Variants in CDK6 observed in about 807,000 individuals in gnomAD.
The protein encoded by CDK6 is cyclin dependent kinase 6.
In CDK6, 6 loss-of-function variants were observed where a neutral mutation model predicts 37.1. That is an observed-to-expected ratio of 0.16 (90% CI 0.09 to 0.32). CDK6 has a LOEUF of 0.32. Among genes scored for constraint, CDK6 ranks in the 10% least tolerant of loss-of-function variants. The pLI is 1.00. For synonymous variants in CDK6, 160 were observed against 161.3 expected, an observed-to-expected ratio of 0.99 and a Z score of 0.06; for missense variants, 224 against 418.9, an observed-to-expected ratio of 0.53 and a Z score of 4.06.
At chr7:92,775,711 C>G (rs1282488873) in intron 2 of CDK6, among the ~76,000 whole-genome samples, 3 of 152,022 alleles carry the variant, frequency 2.0e-5, no homozygotes, top group Non-Finnish European at 4.4e-5. Context: ...TTAAACTACC[C>G]ATAAACAAGC....
At chr7:92,694,845 C>CA (rs1332340914) in intron 4 of CDK6, among the ~76,000 whole-genome samples, 8 of 152,146 alleles carry the variant, frequency 5.3e-5, no homozygotes, top group Admixed American at 1.3e-4. Context: ...AAAAAGACCA[C>CA]AGCAAAAAGG....
chr7:92,609,788 T>C lies in CDK6; in HGVS notation c.*5352A>G. 4.3e-6 allele frequency: 1 copy of C among 230,250 alleles called. No homozygotes were observed. The highest frequency in any genetic ancestry group is 6.2e-5 in the East Asian group (1 of 16,050). 14.3% of individuals were successfully genotyped at this position (230,250 alleles called of 1,614,324 possible). ...CTAAGCCTGTTTTAATCTAGAAAAG[T>C]AAGGTAACTGGGTACTTCAAAAATT... On this transcript the variant is annotated 3_prime_UTR_variant, in exon 8 of 8. Coordinates refer to ENST00000424848, the MANE Select transcript of CDK6 (RefSeq NM_001145306.2).
chr7:92,758,238 C>T (rs1341573127), intron 3 of CDK6, among the ~76,000 whole-genome samples: 4 of 152,050 alleles, frequency 2.6e-5, no homozygotes, highest in Non-Finnish European at 4.4e-5. Context: ...ATTGCCTAGG[C>T]TGTCTTCCAG....
At chr7:92,735,156 A>C (rs985350200) in intron 3 of CDK6, among the ~76,000 whole-genome samples, 5 of 152,114 alleles carry the variant, frequency 3.3e-5, no homozygotes, top group African/African-American at 9.7e-5. Flanking sequence ...ACAGTCTCTT[A>C]CTCCAGTGTT....
intron 2 of CDK6, among the ~76,000 whole-genome samples, chr7:92,824,838 A>G (rs1049256201): frequency 2.0e-5 from 3 of 152,090 alleles, no homozygotes; most frequent in Non-Finnish European, 4.4e-5. Flanking sequence ...AGGTCTAAAG[A>G]GCAGTAGTAA....
intron 4 of CDK6, among the ~76,000 whole-genome samples, chr7:92,692,648 G>T (rs1352835568): frequency 1.3e-5 from 2 of 152,106 alleles, no homozygotes; most frequent in East Asian, 3.9e-4. Flanking sequence ...AGCTGGGTGT[G>T]GTGGTGCGTG....
intron 4 of CDK6, among the ~76,000 whole-genome samples, chr7:92,713,466 T>G (rs186032805): frequency 2.0e-5 from 3 of 152,234 alleles, no homozygotes; most frequent in African/African-American, 7.2e-5. Flanking sequence ...AGATTTGGTT[T>G]CTATTACAAC....
chr7:92,665,168 C>T (rs913378527), intron 5 of CDK6, among the ~76,000 whole-genome samples: 1 of 152,132 alleles, frequency 6.6e-6, no homozygotes, highest in African/African-American at 2.4e-5. Flanking sequence ...ACAGACAGTT[C>T]TAACTAGGAT....
chr7:92,726,197 T>C (rs1005406956), intron 3 of CDK6, among the ~76,000 whole-genome samples: 3 of 152,198 alleles, frequency 2.0e-5, no homozygotes, highest in African/African-American at 7.2e-5. Context: ...AATAATATTG[T>C]TATTAATGGT....
Position 92,606,738 on chromosome 7 carries a change from C to T in CDK6, c.*8402G>A. On this transcript the variant is annotated 3_prime_UTR_variant, in exon 8 of 8. Transcript: ENST00000424848. ...CTGAAACCTAAGAGAAAGTTTTAAC[C>T]AGGCCCTATGGCAATGCAGAAACAC... 1 of 233,060 alleles carries T rather than the reference C, an allele frequency of 4.3e-6. No homozygotes were observed. Among genetic ancestry groups the T allele is most frequent in the Admixed American group, 5.6e-5 (1 of 17,786 alleles). 14.4% of individuals were successfully genotyped at this position (233,060 alleles called of 1,614,324 possible).
Position 92,833,906 on chromosome 7 carries a change from C to T in CDK6, c.-367-216G>A. 2.5e-6 allele frequency: 1 copy of T among 398,772 alleles called. No individual in the cohort carries two copies. The allele number at this position is 398,772 out of a possible 1,614,324, so 24.7% of individuals were successfully genotyped here. ...CCCTGCAGGGCTGAAGCCGTCTTCG[C>T]GCGGAGAGGTTGCAGGGGCCCCTCG... On this transcript the variant is annotated intron_variant, in intron 1 of 7. Coordinates refer to ENST00000424848, the MANE Select transcript of CDK6 (RefSeq NM_001145306.2). This position sits in a 1 kb window ranked among gnomAD's most constrained non-coding sequence, Gnocchi z 6.1.
intron 5 of CDK6, among the ~76,000 whole-genome samples, chr7:92,626,408 C>T (rs948180367): frequency 4.0e-5 from 6 of 151,870 alleles, no homozygotes; most frequent in South Asian, 2.1e-4. Context: ...AGACAGAAGT[C>T]GCGGTAATCG....
intron 2 of CDK6, among the ~76,000 whole-genome samples, chr7:92,793,936 A>C (rs1800342466): frequency 6.6e-6 from 1 of 152,056 alleles, no homozygotes; most frequent in Admixed American, 6.6e-5. Context: ...CTAAAATCAG[A>C]CTGTTTAACA....
intron 2 of CDK6, among the ~76,000 whole-genome samples, chr7:92,807,146 C>T (rs1800746507): frequency 6.6e-6 from 1 of 152,136 alleles, no homozygotes; most frequent in South Asian, 2.1e-4. Flanking sequence ...GCCTCTAGAT[C>T]CAGAAGTTTT....
intron 2 of CDK6, among the ~76,000 whole-genome samples, chr7:92,810,979 T>C (rs550899542): frequency 1.3e-5 from 2 of 151,956 alleles, no homozygotes; most frequent in East Asian, 3.9e-4. Flanking sequence ...GGCAGGAGAA[T>C]TGCTTGAACC....
chr7:92,786,063 C>T (rs1800123449), intron 2 of CDK6, among the ~76,000 whole-genome samples: 1 of 152,228 alleles, frequency 6.6e-6, no homozygotes, highest in South Asian at 2.1e-4. Flanking sequence ...AAGCGAACAG[C>T]TCTGGCTTAA....
rs948155600 is a variant in CDK6 at position 92,835,481 on chromosome 7, TTTG to T, written c.-368+994_-368+996del. 2.0e-5 allele frequency among the ~76,000 whole-genome samples: 3 copies of T among 152,222 alleles called. No homozygotes were observed. The highest frequency in any genetic ancestry group is 2.9e-5 in the Non-Finnish European group (2 of 67,984). On this transcript the variant is annotated intron_variant, in intron 1 of 7. Transcript: ENST00000424848. The surrounding 1 kb of genome is among the most constrained non-coding windows in gnomAD (Gnocchi z 4.2). ...TTTCCCCCCCTCTCCTCCACTTTTT[TTTG>T]TTGTTGTTGTTGCTTTCCCACGCTG...
chr7:92,685,390 A>G (rs1407732202), intron 4 of CDK6, among the ~76,000 whole-genome samples: 1 of 152,186 alleles, frequency 6.6e-6, no homozygotes, highest in Non-Finnish European at 1.5e-5. Flanking sequence ...TGCTGCATGC[A>G]AACACTACTT....
At chr7:92,662,346 C>T (rs980265357) in intron 5 of CDK6, among the ~76,000 whole-genome samples, 3 of 151,438 alleles carry the variant, frequency 2.0e-5, no homozygotes, top group Non-Finnish European at 4.4e-5. Flanking sequence ...GCTTAAGGAT[C>T]GTGGGGATGG....
Sources: allele counts gnomAD v4.1 joint callset (sites outside exome capture counted in the v4.1 genomes callset), GRCh38; gene constraint gnomAD v4.1.1; non-coding constraint Gnocchi (gnomAD v3.1); transcripts MANE v1.5; gene names NCBI Gene and HGNC (gene_info 2026-07-23, HGNC 2026-07-21).